EFCC1: variants seen among roughly 807,000 people sequenced by gnomAD.
EFCC1 encodes EF-hand and coiled-coil domain-containing protein 1.
Under a neutral mutation model 52.1 loss-of-function variants are expected in EFCC1, and 50 were observed. The ratio of observed to expected loss-of-function variants is 0.96; its 90% CI spans 0.76 to 1.21. EFCC1 has a LOEUF of 1.21. Ranked by LOEUF, EFCC1 falls within the 50% of genes most tolerant of loss-of-function variation. EFCC1 has a pLI of 0.00. For synonymous variants in EFCC1, 399 were observed against 396.5 expected (o/e 1.01, Z -0.08); for missense variants, 837 against 867.3 (o/e 0.97, Z 0.44).
Position 129,034,213 on chromosome 3 carries a change from G to A in EFCC1, c.1336G>A (p.Gly446Ser), listed in dbSNP as rs376654866. The A allele has an allele frequency of 5.3e-5, 86 of 1,614,100 alleles. No homozygotes were observed. The East Asian group carries it at 9.1e-4, about 17-fold the overall frequency. The change falls in exon 5 of 8, where the codon GGC (glycine) becomes AGC (serine). Residue 446 changes from glycine (G) to serine (S), a missense_variant. Coordinates refer to ENST00000683648, the MANE Select transcript of EFCC1 (RefSeq NM_001377500.1). Reference protein sequence around the residue: ...EKLMTYFGHFGGANHAHTLGE... With the variant: ...EKLMTYFGHFSGANHAHTLGE... ...GCTCATGACTTACTTTGGTCACTTC[G>A]GCGGTGCCAACCATGCCCATACCCT...
At chr3:129,025,378 A>T (rs1484581428) in intron 2 of EFCC1, among the ~76,000 whole-genome samples, 3 of 152,100 alleles carry the variant, frequency 2.0e-5, no homozygotes, top group African/African-American at 7.2e-5. Context: ...CCACGGGAAG[A>T]GTGTGTAAGC....
At chr3:129,037,840 C>T (rs551919822) in intron 6 of EFCC1, among the ~76,000 whole-genome samples, 1 of 150,392 alleles carries the variant, frequency 6.6e-6, no homozygotes, top group South Asian at 2.1e-4. Context: ...GTGGGTGGAT[C>T]GCTTGAGCTC....
chr3:129,011,648 A>G (rs2107881294), intron 2 of EFCC1, among the ~76,000 whole-genome samples: 1 of 152,088 alleles, frequency 6.6e-6, no homozygotes, highest in East Asian at 1.9e-4. Context: ...GCAGGCCTTG[A>G]AAAGCAAGGA....
intron 3 of EFCC1, 27 bp downstream of exon 3, chr3:129,030,887 C>T (rs1431203214): frequency 2.6e-6 from 4 of 1,537,374 alleles, no homozygotes; most frequent in Middle Eastern, 1.7e-4. Flanking sequence ...CCCAGTCTTC[C>T]TGCCAGGCTC....
At chr3:129,017,380 CACCT>C (rs1945631759) in intron 2 of EFCC1, among the ~76,000 whole-genome samples, 1 of 152,218 alleles carries the variant, frequency 6.6e-6, no homozygotes, top group Non-Finnish European at 1.5e-5. Context: ...AAACAACACC[CACCT>C]GTGACCTCAT....
rs113568227 is a variant in EFCC1 at position 129,039,643 on chromosome 3, G to A, written c.1664-69G>A. 2.5e-4 allele frequency: 377 copies of A among 1,509,944 alleles called. 1 individual carries two copies. The African/African-American group carries it at 3.2e-3, about 13-fold the overall frequency. 93.5% of individuals were successfully genotyped at this position (1,509,944 alleles called of 1,614,324 possible). On this transcript the variant is annotated intron_variant, in intron 7 of 7. Transcript: ENST00000683648. ...AAGAGTGGCTGGGTCTCAGGAAGGA[G>A]GGACAGTGGCTCTGTGGGTGAAGGT...
chr3:129,015,532 C>T (rs907683603), intron 2 of EFCC1, among the ~76,000 whole-genome samples: 3 of 152,138 alleles, frequency 2.0e-5, no homozygotes, highest in African/African-American at 7.2e-5. Context: ...AAGTCAGCAG[C>T]TTGGGCTGGC....
intron 3 of EFCC1, 106 bp downstream of exon 3, chr3:129,030,966 C>T: frequency 7.3e-7 from 1 of 1,370,340 alleles, no homozygotes; most frequent in African/African-American, 1.5e-5. Context: ...CACCAGCCTC[C>T]AAACAGAGCC....
At position 129,036,517 on chromosome 3, in the gene EFCC1, G is replaced by A. The variant is rs115805607; in HGVS notation, c.1453-460G>A. On this transcript the variant is annotated intron_variant, in intron 5 of 7. Coordinates refer to ENST00000683648, the MANE Select transcript of EFCC1 (RefSeq NM_001377500.1). Reference sequence around the variant, plus strand: ...CCAAGACTCCGACTGGGCCAACCACGCCCCTCTCCTGGGGCTCTCCATGCT... The same window carrying A: ...CCAAGACTCCGACTGGGCCAACCACACCCCTCTCCTGGGGCTCTCCATGCT... 9.6e-3 allele frequency among the ~76,000 whole-genome samples: 1,460 copies of A among 152,352 alleles called. 19 individuals carry two copies. Among genetic ancestry groups the A allele is most frequent in the African/African-American group, 0.034 (1,403 of 41,586 alleles).
chr3:129,034,083 C>T, intron 4 of EFCC1, 81 bp from the exon 5 acceptor site: 1 of 1,559,000 alleles, frequency 6.4e-7, no homozygotes, highest in Non-Finnish European at 8.8e-7. Context: ...CAACTCCACA[C>T]CACCACCACC....
At chr3:129,038,078 T>C (rs1186612398) in intron 6 of EFCC1, among the ~76,000 whole-genome samples, 1 of 150,152 alleles carries the variant, frequency 6.7e-6, no homozygotes, top group Non-Finnish European at 1.5e-5. Context: ...AAAAAAAAAA[T>C]TAAAATTAAA....
chr3:129,034,402 G>A, intron 5 of EFCC1, 73 bp downstream of exon 5: 1 of 1,526,308 alleles, frequency 6.6e-7, no homozygotes, highest in Non-Finnish European at 8.9e-7. Flanking sequence ...CTGAGGGATT[G>A]CAGCCAAGTC....
Position 129,001,952 on chromosome 3 carries a change from G to C in EFCC1, c.324G>C (p.Val108=), listed in dbSNP as rs895998136. Residue 108 remains valine, a synonymous_variant, in exon 1 of 8, where the codon GTG becomes GTC. Coordinates refer to ENST00000683648, the MANE Select transcript of EFCC1 (RefSeq NM_001377500.1). ...QAAGDGNSRD[V]TPGDAAAELA... The stretch of plus-strand genomic sequence containing the variant: ...CAGGTGACGGGAACTCCAGAGATGT[G>C]ACCCCCGGGGATGCGGCCGCTGAGT... 34 of 1,543,730 alleles carry C rather than the reference G, an allele frequency of 2.2e-5. No individual in the cohort carries two copies. The African/African-American group carries it at 4.7e-4, about 21-fold the overall frequency.
intron 5 of EFCC1, among the ~76,000 whole-genome samples, chr3:129,036,678 T>TA (rs1418795880): frequency 6.6e-6 from 1 of 152,220 alleles, no homozygotes; most frequent in Non-Finnish European, 1.5e-5. Flanking sequence ...ATCTGCCCAC[T>TA]AGCCTGCCAT....
At chr3:129,025,371 C>A (rs567699537) in intron 2 of EFCC1, among the ~76,000 whole-genome samples, 7 of 152,088 alleles carry the variant, frequency 4.6e-5, no homozygotes, top group African/African-American at 1.4e-4. Context: ...CCGGAAGCCA[C>A]GGGAAGAGTG....
intron 5 of EFCC1, among the ~76,000 whole-genome samples, chr3:129,035,671 C>T (rs1320848462): frequency 6.6e-6 from 1 of 152,210 alleles, no homozygotes; most frequent in Non-Finnish European, 1.5e-5. Context: ...CGGGTCTGCA[C>T]CACCTCCAGC....
chr3:129,009,138 T>A (rs1945205865), intron 2 of EFCC1, among the ~76,000 whole-genome samples: 1 of 152,204 alleles, frequency 6.6e-6, no homozygotes, highest in South Asian at 2.1e-4. Context: ...TTCTCCCAAC[T>A]TAGTTCCAAC....
At chr3:129,006,924 C>T (rs1188794399) in intron 2 of EFCC1, among the ~76,000 whole-genome samples, 1 of 152,160 alleles carries the variant, frequency 6.6e-6, no homozygotes, top group Non-Finnish European at 1.5e-5. Context: ...GACAGAATAG[C>T]CATGGGCATT....
intron 7 of EFCC1, 152 bp from the exon 8 acceptor site, chr3:129,039,560 G>A (rs1576788449): frequency 2.5e-6 from 3 of 1,206,774 alleles, no homozygotes; most frequent in Non-Finnish European, 2.3e-6. Flanking sequence ...GGGTCCTCAG[G>A]GGGAGGTGGT....
Sources: gnomAD v4.1 joint callset for allele counts (sites outside exome capture counted in the v4.1 genomes callset) on GRCh38, gnomAD v4.1.1 for gene constraint, MANE v1.5 for transcripts, NCBI Gene and HGNC (gene_info 2026-07-23, HGNC 2026-07-21) for gene names.